The following NPTX1 variants were observed in gnomAD, a reference collection of about 807,000 sequenced individuals.
NPTX1 encodes the protein neuronal pentraxin-1.
NPTX1 carries 12 observed loss-of-function variants against 38.7 expected under a neutral mutation model. The ratio of observed to expected loss-of-function variants is 0.31; its 90% CI spans 0.20 to 0.50. NPTX1 has a LOEUF of 0.50. NPTX1 is among the 20% of genes least tolerant of loss of function. The pLI is 0.98. For synonymous variants in NPTX1, 272 were observed against 264.9 expected (o/e 1.03, Z -0.26); for missense variants, 454 against 592.2 (o/e 0.77, Z 2.42).
At position 80,475,756 on chromosome 17, in the gene NPTX1, G is replaced by T; in HGVS notation, c.445-38C>A. 1 of 1,500,598 alleles carries T rather than the reference G, an allele frequency of 6.7e-7. No individual in the cohort carries two copies. Among genetic ancestry groups the T allele is most frequent in the Non-Finnish European group, 9.2e-7 (1 of 1,090,052 alleles). The allele number at this position is 1,500,598 out of a possible 1,614,324, so 93.0% of individuals were successfully genotyped here. On this transcript the variant is annotated intron_variant, in intron 1 of 4. Coordinates refer to ENST00000306773, the MANE Select transcript of NPTX1 (RefSeq NM_002522.4). This position sits in a 1 kb window ranked among gnomAD's most constrained non-coding sequence, Gnocchi z 6.5. ...AGGGCGGGGGAAACCACACCGTTAGGCGAGGCGCGGGGACCGTGCTGGAAG... is the reference window on the plus strand; with the variant it reads ...AGGGCGGGGGAAACCACACCGTTAGTCGAGGCGCGGGGACCGTGCTGGAAG...
At position 80,470,816 on chromosome 17, in the gene NPTX1, G is replaced by A; in HGVS notation, c.1296C>T (p.Asn432=). 6.3e-7 allele frequency: 1 copy of A among 1,586,832 alleles called. No homozygotes were observed. ...KWTFEACRQI[N] The stretch of plus-strand genomic sequence containing the variant: ...GGCTCAGCCTGGCCTGCCGTGCTCA[G>A]TTGATCTGGCGACAGGCCTCGAAGG... Residue 432 remains asparagine, a synonymous_variant, in exon 5 of 5, where the codon AAC becomes AAT. Transcript: ENST00000306773.
chr17:80,471,765 C>T lies in NPTX1; in HGVS notation c.1044G>A (p.Lys348=). Residue 348 remains lysine (K), a synonymous_variant, in exon 4 of 5, where the codon AAG becomes AAA. Transcript: ENST00000306773. ...GGCCCAGCACCAGCACGCCCTGGGG[C>T]TTGATGGGGTGATAGGGCGCCAAGT... ...GENLAPYHPI[K]PQGVLVLGQE... 1 of 1,613,130 alleles carries T rather than the reference C, an allele frequency of 6.2e-7. No individual in the cohort carries two copies. The highest frequency in any genetic ancestry group is 8.5e-7 in the Non-Finnish European group (1 of 1,179,984).
rs377239337 is a variant in NPTX1 at position 80,475,980 on chromosome 17, C to T, written c.444+23G>A. On this transcript the variant is annotated intron_variant, in intron 1 of 4. Transcript: ENST00000306773. This position sits in a 1 kb window ranked among gnomAD's most constrained non-coding sequence, Gnocchi z 6.5. The stretch of plus-strand genomic sequence containing the variant: ...GGGGCGAGCGAGCCGGAGGGGGAAC[C>T]GGAGCCGAGGGCGCGCGCGGACCTC... The T allele has an allele frequency of 1.9e-6, 3 of 1,590,576 alleles. No individual in the cohort carries two copies. Among genetic ancestry groups the T allele is most frequent in the African/African-American group, 2.8e-5 (2 of 72,586 alleles).
chr17:80,475,937 G>C lies in NPTX1; in HGVS notation c.444+66C>G, dbSNP rs932862621. ...GGGGATGCCTGGCCGGGTAGGGAAC[G>C]GGGTGGGGGAGGGCAGAGGGGCGAG... On this transcript the variant is annotated intron_variant, in intron 1 of 4. Transcript: ENST00000306773. The surrounding 1 kb of genome is among the most constrained non-coding windows in gnomAD (Gnocchi z 6.5). 8.2e-6 allele frequency: 11 copies of C among 1,347,590 alleles called. No individual in the cohort carries two copies. Among genetic ancestry groups the C allele is most frequent in the African/African-American group, 4.5e-5 (3 of 66,110 alleles). 83.5% of individuals were successfully genotyped at this position (1,347,590 alleles called of 1,614,324 possible). A position where few individuals can be genotyped will look rare whatever the true frequency, so the allele number is the denominator to read the frequency against.
chr17:80,472,012 T>C, intron 3 of NPTX1, 101 bp from the exon 4 acceptor site: 2 of 1,059,694 alleles, frequency 1.9e-6, no homozygotes. Context: ...ACTTGCAAAG[T>C]AAATGTCAAT....
chr17:80,472,068 G>A (rs577127311), intron 3 of NPTX1, among the ~76,000 whole-genome samples, 157 bp from the exon 4 acceptor site: 5 of 152,356 alleles, frequency 3.3e-5, no homozygotes, highest in South Asian at 2.1e-4. Context: ...AGACTTCAGC[G>A]TCTGTCAGCC....
chr17:80,476,332 C>T lies in NPTX1; in HGVS notation c.115G>A (p.Ala39Thr), dbSNP rs1394372123. The T allele has an allele frequency of 6.5e-6, 10 of 1,541,024 alleles. No homozygotes were observed. Among genetic ancestry groups the T allele is most frequent in the Non-Finnish European group, 8.7e-6 (10 of 1,149,734 alleles). ...GCCACGGACGCGGCGCACATGTCGGCGTCCACGGGCACCGAGGTGCAGATG... is the reference window on the plus strand; with the variant it reads ...GCCACGGACGCGGCGCACATGTCGGTGTCCACGGGCACCGAGGTGCAGATG... ...RFICTSVPVD[A>T]DMCAASVAAG... is the part of the protein sequence containing the mutation. The change falls in exon 1 of 5, where the codon GCC (alanine) becomes ACC (threonine). Residue 39 changes from alanine to threonine, a missense_variant. Ala to Thr is a moderately conservative substitution (Grantham distance 58). Coordinates refer to ENST00000306773, the MANE Select transcript of NPTX1 (RefSeq NM_002522.4). This position sits in a 1 kb window ranked among gnomAD's most constrained non-coding sequence, Gnocchi z 6.3.
In NPTX1 at chr17:80,476,290, C is replaced by G. The variant is rs776203419; in HGVS notation, c.157G>C (p.Glu53Gln). Residue 53 changes from glutamate to glutamine, a missense_variant, in exon 1 of 5, where the codon GAG becomes CAG. Around this residue, in one of 4 missense-constraint regions of NPTX1, gnomAD observed 288 missense variants for 318.4 expected, o/e 0.90. Transcript: ENST00000306773. The surrounding 1 kb of genome is among the most constrained non-coding windows in gnomAD (Gnocchi z 6.3). The stretch of plus-strand genomic sequence containing the variant: ...AGCTGCAGCACGCTGCTCCGGAGCT[C>G]CTCGGCGCCGCCGGCGGCCACGGAC... ...AASVAAGGAE[E>Q]LRSSVLQLRE... is the part of the protein sequence containing the mutation. The G allele has an allele frequency of 6.4e-7, 1 of 1,561,948 alleles. No individual in the cohort carries two copies. The highest frequency in any genetic ancestry group is 1.4e-5 in the African/African-American group (1 of 73,444).
Position 80,475,062 on chromosome 17 carries a change from A to C in NPTX1, c.652+449T>G, listed in dbSNP as rs1156905835. On this transcript the variant is annotated intron_variant, in intron 2 of 4. Coordinates refer to ENST00000306773, the MANE Select transcript of NPTX1 (RefSeq NM_002522.4). The surrounding 1 kb of genome is among the most constrained non-coding windows in gnomAD (Gnocchi z 6.5). Reference sequence around the variant, plus strand: ...GCAGCCGGGAAGAAACCTGCTTAACAGCCTCAGCGGCCCGGGGAACGAGAG... The same window carrying C: ...GCAGCCGGGAAGAAACCTGCTTAACCGCCTCAGCGGCCCGGGGAACGAGAG... Among the ~76,000 whole-genome samples the C allele has an allele frequency of 1.3e-5, 2 of 152,180 alleles. No individual in the cohort carries two copies. The highest frequency in any genetic ancestry group is 2.4e-5 in the African/African-American group (1 of 41,444).
At chr17:80,472,208 C>T (rs1277435973) in intron 3 of NPTX1, among the ~76,000 whole-genome samples, 1 of 152,118 alleles carries the variant, frequency 6.6e-6, no homozygotes, top group African/African-American at 2.4e-5. Flanking sequence ...GTCTACACAA[C>T]AAGCCCTAGT....
rs2083819776 is a variant in NPTX1, at chr17:80,468,653, GGT to G, written c.*2158_*2159del. On this transcript the variant is annotated 3_prime_UTR_variant, in exon 5 of 5. Coordinates refer to ENST00000306773, the MANE Select transcript of NPTX1 (RefSeq NM_002522.4). ...AACCTACACGTTAAAAATGCTTCTT[GGT>G]GTGTTTGGGGAGGGGGAGAGGGAAA... 1 of 152,198 alleles carries G rather than the reference GGT, an allele frequency of 6.6e-6. No homozygotes were observed. Among genetic ancestry groups the G allele is most frequent in the African/African-American group, 2.4e-5 (1 of 41,424 alleles). The allele number at this position is 152,198 out of a possible 1,614,324, so 9.4% of individuals were successfully genotyped here. A position where few individuals can be genotyped will look rare whatever the true frequency, so the allele number is the denominator to read the frequency against.
intron 4 of NPTX1, among the ~76,000 whole-genome samples, chr17:80,471,501 T>C (rs2083841940): frequency 1.3e-5 from 2 of 152,236 alleles, no homozygotes; most frequent in African/African-American, 4.8e-5. Flanking sequence ...GGCCTTCCCA[T>C]GCCAAAGAAA....
chr17:80,470,623 C>T lies in NPTX1; in HGVS notation c.*190G>A. The T allele has an allele frequency of 1.8e-6, 1 of 544,894 alleles. No individual in the cohort carries two copies. The highest frequency in any genetic ancestry group is 3.3e-6 in the Non-Finnish European group (1 of 303,748). The allele number at this position is 544,894 out of a possible 1,614,324, so 33.8% of individuals were successfully genotyped here. On this transcript the variant is annotated 3_prime_UTR_variant, in exon 5 of 5. Transcript: ENST00000306773. The stretch of plus-strand genomic sequence containing the variant: ...GGCTCCTACAGAGAAGTGGGGCTTC[C>T]TCAGGGACAGATGGGAGCAGGGGCT...
At chr17:80,471,592 G>C in intron 4 of NPTX1, 140 bp downstream of exon 4, 1 of 1,366,778 alleles carries the variant, frequency 7.3e-7, no homozygotes, top group Non-Finnish European at 9.7e-7. Context: ...CAGGGCACAG[G>C]CCTTGCCCAG....
Position 80,475,411 on chromosome 17 carries a change from G to A in NPTX1, c.652+100C>T, listed in dbSNP as rs74003912. Reference sequence around the variant, plus strand: ...GGTTGGGGGTAGCGGAGCGGCTTGAGGCTTGCACAGTGCAGAGCTGGGCTG... The same window carrying A: ...GGTTGGGGGTAGCGGAGCGGCTTGAAGCTTGCACAGTGCAGAGCTGGGCTG... On this transcript the variant is annotated intron_variant, in intron 2 of 4. Transcript: ENST00000306773. The surrounding 1 kb of genome is among the most constrained non-coding windows in gnomAD (Gnocchi z 6.5). The A allele has an allele frequency of 0.18, 163,072 of 930,092 alleles. 15,650 individuals carry two copies. Among genetic ancestry groups the A allele is most frequent in the Middle Eastern group, 0.21 (631 of 2,974 alleles). The allele number at this position is 930,092 out of a possible 1,614,324, so 57.6% of individuals were successfully genotyped here.
In NPTX1 at chr17:80,475,993, G is replaced by A; in HGVS notation, c.444+10C>T. The A allele has an allele frequency of 3.8e-6, 6 of 1,599,514 alleles. No individual in the cohort carries two copies. Among genetic ancestry groups the A allele is most frequent in the Non-Finnish European group, 4.3e-6 (5 of 1,172,622 alleles). The stretch of plus-strand genomic sequence containing the variant: ...CGGAGGGGGAACCGGAGCCGAGGGC[G>A]CGCGCGGACCTCGAGGTTCTCCAGG... On this transcript the variant is annotated intron_variant, in intron 1 of 4. Transcript: ENST00000306773. The surrounding 1 kb of genome is among the most constrained non-coding windows in gnomAD (Gnocchi z 6.5).
At chr17:80,472,431 C>T (rs560581969) in intron 3 of NPTX1, among the ~76,000 whole-genome samples, 7 of 152,360 alleles carry the variant, frequency 4.6e-5, no homozygotes, top group African/African-American at 1.7e-4. Context: ...TCAGACCAGC[C>T]TCCAACCTGG....
In NPTX1 at chr17:80,476,099, G is replaced by T. The variant is rs778841564; in HGVS notation, c.348C>A (p.Asn116Lys). Residue 116 changes from asparagine to lysine, a missense_variant, in exon 1 of 5, where the codon AAC becomes AAA. Physicochemically the swap from Asn to Lys is moderately conservative, Grantham distance 94. This residue lies in a region of NPTX1 where 288 missense variants were observed against 318.4 expected (regional missense o/e 0.90). Coordinates refer to ENST00000306773, the MANE Select transcript of NPTX1 (RefSeq NM_002522.4). This position sits in a 1 kb window ranked among gnomAD's most constrained non-coding sequence, Gnocchi z 6.3. Reference protein sequence around the residue: ...GGRKQPGSGKNTMGDLSRTPA... With the variant: ...GGRKQPGSGKKTMGDLSRTPA... ...GTGTCCGGGACAGGTCGCCCATGGT[G>T]TTCTTGCCCGAGCCGGGCTGCTTGC... The T allele has an allele frequency of 1.9e-6, 3 of 1,604,782 alleles. No homozygotes were observed. Among genetic ancestry groups the T allele is most frequent in the Non-Finnish European group, 1.7e-6 (2 of 1,177,822 alleles).
Position 80,473,223 on chromosome 17 carries a change from T to C in NPTX1, c.874A>G (p.Met292Val). ...ACCTTGTCATTGATGAGGATCTCCA[T>C]GGGGTTGTTGCCCCACTCAATGAGG... ...LVLIEWGNNP[M>V]EILINDKVAK... The change falls in exon 3 of 5, where the codon ATG becomes GTG. Residue 292 changes from methionine to valine, a missense_variant. By Grantham distance (21) the Met-to-Val change is conservative (BLOSUM62 1). Around this residue, in one of 4 missense-constraint regions of NPTX1, gnomAD observed 110 missense variants for 197.5 expected, o/e 0.56. Transcript: ENST00000306773. 1 of 1,613,512 alleles carries C rather than the reference T, an allele frequency of 6.2e-7. No homozygotes were observed. Among genetic ancestry groups the C allele is most frequent in the Non-Finnish European group, 8.5e-7 (1 of 1,180,006 alleles).
Sources: allele counts gnomAD v4.1 joint callset (sites outside exome capture counted in the v4.1 genomes callset), GRCh38; gene constraint gnomAD v4.1.1; regional missense constraint gnomAD v4.1.1; non-coding constraint Gnocchi (gnomAD v3.1); transcripts MANE v1.5; gene names NCBI Gene and HGNC (gene_info 2026-07-23, HGNC 2026-07-21).